Variants in ARHGAP44 observed in about 807,000 individuals in gnomAD.
ARHGAP44 encodes the protein rho GTPase-activating protein 44.
In ARHGAP44, 43 loss-of-function variants were observed where a neutral mutation model predicts 106.8. The ratio of observed to expected loss-of-function variants is 0.40; its 90% CI spans 0.32 to 0.52. The LOEUF is 0.52. ARHGAP44 is among the 20% of genes least tolerant of loss of function. ARHGAP44 has a pLI of 0.48. For missense variants in ARHGAP44, 866 were observed against 1,050.5 expected (o/e 0.82, Z 2.43); for synonymous variants, 439 against 410.3 (o/e 1.07, Z -0.85).
chr17:12,968,742 A>ATTTCTT (rs1008740550), intron 16 of ARHGAP44, among the ~76,000 whole-genome samples: 1 of 145,966 alleles, frequency 6.9e-6, no homozygotes, highest in Admixed American at 6.8e-5. Context: ...TCCCTGTTCT[A>ATTTCTT]TTTCTTTTTC....
chr17:12,822,721 G>T (rs2034806293), intron 1 of ARHGAP44, among the ~76,000 whole-genome samples: 1 of 152,126 alleles, frequency 6.6e-6, no homozygotes, highest in Non-Finnish European at 1.5e-5. Context: ...TGAAATGTTG[G>T]TTCTCCTGGC....
intron 10 of ARHGAP44, among the ~76,000 whole-genome samples, chr17:12,945,563 C>G (rs1184985459): frequency 6.6e-6 from 1 of 152,048 alleles, no homozygotes; most frequent in African/African-American, 2.4e-5. Context: ...CCTAATTCAT[C>G]CAGAACAGTC....
At chr17:12,822,906 C>T (rs1361346655) in intron 1 of ARHGAP44, among the ~76,000 whole-genome samples, 1 of 152,144 alleles carries the variant, frequency 6.6e-6, no homozygotes, top group African/African-American at 2.4e-5. Context: ...GGTGGTGGTC[C>T]TAGGCAGAGC....
chr17:12,935,853 A>C (rs568987801), intron 7 of ARHGAP44, among the ~76,000 whole-genome samples: 1 of 152,304 alleles, frequency 6.6e-6, no homozygotes, highest in East Asian at 1.9e-4. Flanking sequence ...AAGATAATGG[A>C]AAACCAATGT....
chr17:12,789,697 C>A lies in ARHGAP44; in HGVS notation c.-142C>A, dbSNP rs1274901682. The A allele has an allele frequency of 8.3e-6, 5 of 602,754 alleles. No individual in the cohort carries two copies. The highest frequency in any genetic ancestry group is 1.2e-5 in the Non-Finnish European group (5 of 410,488). 37.3% of individuals were successfully genotyped at this position (602,754 alleles called of 1,614,324 possible). A position where few individuals can be genotyped will look rare whatever the true frequency, so the allele number is the denominator to read the frequency against. ...GGCGCCCTCGGGAGGGAGCTGCGCG[C>A]GGGCCAGACGGCGCCCGGAGGCTCC... On this transcript the variant is annotated 5_prime_UTR_variant, in exon 1 of 21. Coordinates refer to ENST00000379672, the MANE Select transcript of ARHGAP44 (RefSeq NM_014859.6).
intron 1 of ARHGAP44, among the ~76,000 whole-genome samples, chr17:12,891,748 G>A (rs138350478): frequency 1.9e-4 from 28 of 151,240 alleles, no homozygotes; most frequent in Admixed American, 1.3e-3. Flanking sequence ...TTAAGTGATA[G>A]CTTCCTCCAT....
At chr17:12,789,912 G>T in intron 1 of ARHGAP44, 21 bp downstream of exon 1, 1 of 1,508,226 alleles carries the variant, frequency 6.6e-7, no homozygotes. Flanking sequence ...CGCGGGCACC[G>T]CTGTCGGTGC....
At chr17:12,934,057 C>A (rs2038476528) in intron 7 of ARHGAP44, among the ~76,000 whole-genome samples, 1 of 152,044 alleles carries the variant, frequency 6.6e-6, no homozygotes, top group South Asian at 2.1e-4. Flanking sequence ...CCGTGTTAGC[C>A]AGGATGGTGT....
intron 3 of ARHGAP44, among the ~76,000 whole-genome samples, chr17:12,898,460 G>A (rs2037279686): frequency 6.6e-6 from 1 of 152,180 alleles, no homozygotes; most frequent in Non-Finnish European, 1.5e-5. Context: ...AAAACACATG[G>A]TTAATAACTA....
chr17:12,983,728 T>G (rs1372218066), intron 19 of ARHGAP44, among the ~76,000 whole-genome samples: 1 of 151,546 alleles, frequency 6.6e-6, no homozygotes, highest in Admixed American at 6.6e-5. Context: ...TGCTTGAACC[T>G]GGGAGGCGGA....
At chr17:12,941,210 T>C in intron 8 of ARHGAP44, 86 bp downstream of exon 8, 1 of 1,254,044 alleles carries the variant, frequency 8.0e-7, no homozygotes. Context: ...CCTTAATTGA[T>C]CACATCATAG....
Position 12,928,973 on chromosome 17 carries a change from A to C in ARHGAP44, c.509A>C (p.Gln170Pro). The change falls in exon 7 of 21, where the codon CAG becomes CCG. Residue 170 changes from glutamine to proline, a missense_variant. By Grantham distance (76) the Gln-to-Pro change is moderately conservative (BLOSUM62 -1). Transcript: ENST00000379672. ...TCTTCAGGTTTGTCCAGCAGCTTACAGCCTGCGGGTGCCAAGGCTGATGCC... is the reference window on the plus strand; with the variant it reads ...TCTTCAGGTTTGTCCAGCAGCTTACCGCCTGCGGGTGCCAAGGCTGATGCC... Reference protein sequence around the residue: ...SKSSGLSSSLQPAGAKADALR... With the variant: ...SKSSGLSSSLPPAGAKADALR... 1 of 1,613,574 alleles carries C rather than the reference A, an allele frequency of 6.2e-7. No homozygotes were observed. Among genetic ancestry groups the C allele is most frequent in the Non-Finnish European group, 8.5e-7 (1 of 1,179,728 alleles).
At chr17:12,910,502 G>A (rs2037695668) in intron 4 of ARHGAP44, among the ~76,000 whole-genome samples, 1 of 135,854 alleles carries the variant, frequency 7.4e-6, no homozygotes, top group African/African-American at 2.7e-5. Flanking sequence ...AGGCTGGAGT[G>A]CAATGACGCA....
At chr17:12,840,398 G>A (rs1349260118) in intron 1 of ARHGAP44, among the ~76,000 whole-genome samples, 1 of 152,182 alleles carries the variant, frequency 6.6e-6, no homozygotes. Flanking sequence ...TTAGTACCCA[G>A]GATGCTGACC....
intron 3 of ARHGAP44, among the ~76,000 whole-genome samples, chr17:12,897,710 C>CTTTTTTTTTTTT (rs71980749): frequency 1.8e-5 from 2 of 108,952 alleles, no homozygotes; most frequent in Non-Finnish European, 3.6e-5. Flanking sequence ...TGATCTGTGT[C>CTTTTTTTTTTTT]TTTTTTTTTT....
intron 3 of ARHGAP44, among the ~76,000 whole-genome samples, chr17:12,908,195 T>C (rs977644794): frequency 8.2e-5 from 12 of 145,890 alleles, no homozygotes; most frequent in South Asian, 2.2e-4. Flanking sequence ...TCATTTCTTT[T>C]TTTTTTTTTT....
chr17:12,976,007 G>C (rs2039671936), intron 18 of ARHGAP44, among the ~76,000 whole-genome samples: 1 of 151,992 alleles, frequency 6.6e-6, no homozygotes, highest in Admixed American at 6.6e-5. Context: ...CCATGAAACA[G>C]CTTTGCTGTT....
At chr17:12,830,572 G>A (rs2035057064) in intron 1 of ARHGAP44, among the ~76,000 whole-genome samples, 1 of 152,074 alleles carries the variant, frequency 6.6e-6, no homozygotes, top group African/African-American at 2.4e-5. Flanking sequence ...AAGATGTGGT[G>A]GGATTAGTTT....
intron 16 of ARHGAP44, among the ~76,000 whole-genome samples, chr17:12,968,185 G>A (rs1460171152): frequency 6.6e-6 from 1 of 152,156 alleles, no homozygotes; most frequent in Admixed American, 6.5e-5. Context: ...CACTGATGAG[G>A]CGTCCCGATC....
Sources: gnomAD v4.1 joint callset for allele counts (sites outside exome capture counted in the v4.1 genomes callset) on GRCh38, gnomAD v4.1.1 for gene constraint, MANE v1.5 for transcripts, NCBI Gene and HGNC (gene_info 2026-07-23, HGNC 2026-07-21) for gene names.